The following MORN1 variants were observed in gnomAD, a reference collection of about 807,000 sequenced individuals.
MORN1 encodes the protein MORN repeat containing 1.
Under a neutral mutation model 61.9 loss-of-function variants are expected in MORN1, and 67 were observed. The observed-to-expected ratio is 1.08, with a 90% confidence interval of 0.89 to 1.33. MORN1 has a LOEUF of 1.33. Ranked by LOEUF, MORN1 falls within the 40% of genes most tolerant of loss-of-function variation. MORN1 has a pLI of 0.00. For synonymous variants in MORN1, 301 were observed against 292.0 expected (o/e 1.03, Z -0.31); for missense variants, 752 against 691.2 (o/e 1.09, Z -0.99).
At chr1:2,348,796 C>T (rs1641585894) in intron 10 of MORN1, among the ~76,000 whole-genome samples, 2 of 146,998 alleles carry the variant, frequency 1.4e-5, no homozygotes, top group Middle Eastern at 3.6e-3. Flanking sequence ...CGCACGCACA[C>T]GCACTCCTGC....
In MORN1 at chr1:2,374,213, C is replaced by T. The variant is rs866020429; in HGVS notation, c.634+248G>A. ...TGGACAGAGGCCACTTGGGGGACAGCGCAGCCATGACGAGGCCACCCCCAG... is the reference window on the plus strand; with the variant it reads ...TGGACAGAGGCCACTTGGGGGACAGTGCAGCCATGACGAGGCCACCCCCAG... On this transcript the variant is annotated intron_variant, in intron 7 of 13. Coordinates refer to ENST00000378531, the MANE Select transcript of MORN1 (RefSeq NM_024848.3). 1.8e-4 allele frequency among the ~76,000 whole-genome samples: 27 copies of T among 152,322 alleles called. No individual in the cohort carries two copies. In the Middle Eastern group the frequency reaches 0.014, roughly 77 times the overall value.
intron 2 of MORN1, 37 bp from the exon 3 acceptor site, chr1:2,388,374 G>A (rs765675370): frequency 6.4e-7 from 1 of 1,552,382 alleles, no homozygotes; most frequent in Non-Finnish European, 8.9e-7. Context: ...TCAGACAGTG[G>A]TTGGGTTGAC....
intron 12 of MORN1, chr1:2,332,641 AG>A: frequency 2.2e-6 from 1 of 456,550 alleles, no homozygotes; most frequent in South Asian, 1.5e-5. Context: ...TGGACATGGA[AG>A]GGGTCACACT....
chr1:2,361,841 GTTGA>G (rs1202895650), intron 8 of MORN1, among the ~76,000 whole-genome samples: 2 of 152,168 alleles, frequency 1.3e-5, no homozygotes, highest in East Asian at 1.9e-4. Flanking sequence ...AACAGAAACT[GTTGA>G]TTAACACATA....
chr1:2,384,199 C>T (rs954663900), intron 6 of MORN1, among the ~76,000 whole-genome samples: 1 of 152,188 alleles, frequency 6.6e-6, no homozygotes, highest in Non-Finnish European at 1.5e-5. Flanking sequence ...CTGAACCAGG[C>T]CCCACTGTCC....
intron 10 of MORN1, chr1:2,352,188 T>TA (rs138909458): frequency 3.5e-3 from 750 of 214,476 alleles, no homozygotes; most frequent in Middle Eastern, 5.3e-3. Flanking sequence ...ATAGAGCAAT[T>TA]AAAAAAAAAA....
chr1:2,361,326 G>A (rs770151656), intron 8 of MORN1, among the ~76,000 whole-genome samples: 1 of 106,688 alleles, frequency 9.4e-6, no homozygotes, highest in Non-Finnish European at 1.8e-5. Flanking sequence ...GGAGGCCAAG[G>A]TTGGCAGATC....
At chr1:2,355,661 G>A (rs1224434357) in intron 10 of MORN1, among the ~76,000 whole-genome samples, 1 of 152,208 alleles carries the variant, frequency 6.6e-6, no homozygotes, top group Non-Finnish European at 1.5e-5. Context: ...AGAACTCGGG[G>A]CCGAGTGACC....
chr1:2,387,120 G>A (rs956163556), intron 4 of MORN1: 2 of 435,798 alleles, frequency 4.6e-6, no homozygotes, highest in Non-Finnish European at 8.5e-6. Flanking sequence ...CTGACCCCAG[G>A]ATCAGGAGCA....
intron 6 of MORN1, among the ~76,000 whole-genome samples, chr1:2,382,906 G>T (rs1188684862): frequency 6.6e-6 from 1 of 152,170 alleles, no homozygotes; most frequent in African/African-American, 2.4e-5. Flanking sequence ...ACCCAAGCAG[G>T]ATGCTGTTTC....
In MORN1 at chr1:2,338,855, C is replaced by T. The variant is rs1329575658; in HGVS notation, c.1037-2005G>A. ...CAGGTTCTCACGACATCCCTGCTCT[C>T]CTCAGAGTAAAGGCTGTCGTGACTG... On this transcript the variant is annotated intron_variant, in intron 10 of 13. Transcript: ENST00000378531. 2.6e-5 allele frequency among the ~76,000 whole-genome samples: 4 copies of T among 152,288 alleles called. 1 individual carries two copies. Among genetic ancestry groups the T allele is most frequent in the Admixed American group, 1.3e-4 (2 of 15,296 alleles).
intron 12 of MORN1, among the ~76,000 whole-genome samples, chr1:2,328,457 C>T (rs6681703): frequency 0.01 from 1,572 of 152,266 alleles, 27 homozygotes; most frequent in African/African-American, 0.036. Flanking sequence ...CTAGGGCCAC[C>T]AGGATGTGCC....
chr1:2,390,590 G>A (rs917118148), intron 1 of MORN1: 1 of 985,292 alleles, frequency 1.0e-6, no homozygotes, highest in Admixed American at 6.1e-5. Context: ...TTGTGGGCAG[G>A]GTTTATGGGA....
intron 6 of MORN1, 38 bp from the exon 7 acceptor site, chr1:2,374,595 C>A: frequency 6.5e-7 from 1 of 1,549,722 alleles, no homozygotes; most frequent in Admixed American, 1.9e-5. Context: ...TGGTGGCTCC[C>A]AAGGGGCTTT....
At chr1:2,327,179 CAG>C (rs1641047438) in intron 12 of MORN1, among the ~76,000 whole-genome samples, 1 of 125,062 alleles carries the variant, frequency 8.0e-6, no homozygotes, top group African/African-American at 3.5e-5. Context: ...GAAACAAACA[CAG>C]AGACACAGAG....
intron 8 of MORN1, among the ~76,000 whole-genome samples, chr1:2,361,357 G>C (rs1169239000): frequency 6.6e-6 from 1 of 152,094 alleles, no homozygotes; most frequent in Non-Finnish European, 1.5e-5. Context: ...AGGAGTTTGA[G>C]ACCAGCCTGG....
At chr1:2,355,121 T>A (rs1019480413) in intron 10 of MORN1, 1 of 1,070,132 alleles carries the variant, frequency 9.3e-7, no homozygotes, top group Non-Finnish European at 1.1e-6. Context: ...GGCACGAGGC[T>A]GGTTTCAATC....
chr1:2,372,240 CACAT>C lies in MORN1; in HGVS notation c.745+237_745+240del. On this transcript the variant is annotated intron_variant, in intron 8 of 13. Coordinates refer to ENST00000378531, the MANE Select transcript of MORN1 (RefSeq NM_024848.3). The surrounding 1 kb of genome is among the most constrained non-coding windows in gnomAD (Gnocchi z 5.4). The stretch of plus-strand genomic sequence containing the variant: ...TGCAAGGCATACACACATATGCACA[CACAT>C]ACAGGAGCACGCACATCACACAATA... The C allele has an allele frequency of 2.1e-6, 1 of 485,698 alleles. No homozygotes were observed. 30.1% of individuals were successfully genotyped at this position (485,698 alleles called of 1,614,324 possible). A position where few individuals can be genotyped will look rare whatever the true frequency, so the allele number is the denominator to read the frequency against.
intron 12 of MORN1, 119 bp downstream of exon 12, chr1:2,336,346 GCTCA>G (rs1641275900): frequency 3.1e-6 from 3 of 962,806 alleles, no homozygotes; most frequent in Admixed American, 2.7e-5. Context: ...GCCCGTGTAG[GCTCA>G]CTGTCTTCCC....
Sources: allele counts gnomAD v4.1 joint callset (sites outside exome capture counted in the v4.1 genomes callset), GRCh38; gene constraint gnomAD v4.1.1; non-coding constraint Gnocchi (gnomAD v3.1); transcripts MANE v1.5; gene names NCBI Gene and HGNC (gene_info 2026-07-23, HGNC 2026-07-21).